DISC1: variants seen among roughly 807,000 people sequenced by gnomAD.
DISC1 encodes the protein disrupted in schizophrenia 1 protein.
Under a neutral mutation model 84.5 loss-of-function variants are expected in DISC1, and 57 were observed. The observed-to-expected ratio is 0.67, with a 90% CI of 0.55 to 0.84. The LOEUF is 0.84. DISC1 is among the 40% of genes least tolerant of loss of function. The pLI, the probability that DISC1 is intolerant of heterozygous loss-of-function variation, is 0.00. For synonymous variants in DISC1, 411 were observed against 415.2 expected (o/e 0.99, Z 0.12); for missense variants, 1,000 against 1,057.8 (o/e 0.95, Z 0.76).
intron 1 of DISC1, among the ~76,000 whole-genome samples, chr1:231,651,734 G>T (rs913962118): frequency 6.6e-6 from 1 of 152,246 alleles, no homozygotes; most frequent in Non-Finnish European, 1.5e-5. Context: ...GAGCTGCGGT[G>T]GGCTCCGCCC....
rs960373233 is a variant in DISC1 at position 231,722,021 on chromosome 1, C to T, written c.1117+19997C>T. On this transcript the variant is annotated intron_variant, in intron 3 of 12. Transcript: ENST00000439617. ...ACAAAAAATTAGCCGGGTGTGGTGG[C>T]GGGCACCTGTAATCCCGGCTACTCG... Among the ~76,000 whole-genome samples the T allele has an allele frequency of 2.6e-5, 4 of 151,772 alleles. No individual in the cohort carries two copies. The South Asian group carries it at 6.2e-4, about 24-fold the overall frequency.
chr1:231,951,177 A>G (rs1481049759), intron 9 of DISC1, among the ~76,000 whole-genome samples: 1 of 152,226 alleles, frequency 6.6e-6, no homozygotes, highest in East Asian at 1.9e-4. Context: ...ATAACTCAGC[A>G]TTCTCACTCG....
chr1:231,632,632 A>G (rs1470745736), intron 1 of DISC1, among the ~76,000 whole-genome samples: 2 of 152,254 alleles, frequency 1.3e-5, no homozygotes, highest in Non-Finnish European at 1.5e-5. Context: ...AGTGATTGTT[A>G]GAACCTGGCT....
At chr1:231,864,085 A>G (rs2084875885) in intron 9 of DISC1, among the ~76,000 whole-genome samples, 1 of 152,172 alleles carries the variant, frequency 6.6e-6, no homozygotes, top group Non-Finnish European at 1.5e-5. Flanking sequence ...GTAGCAGTAT[A>G]TGAACATTGG....
intron 1 of DISC1, among the ~76,000 whole-genome samples, chr1:231,692,435 T>C (rs527952885): frequency 1.8e-4 from 27 of 152,376 alleles, no homozygotes; most frequent in African/African-American, 6.3e-4. Flanking sequence ...GAGGTCATTG[T>C]GCTCATTTCC....
intron 9 of DISC1, among the ~76,000 whole-genome samples, chr1:231,861,499 T>A (rs953045176): frequency 1.3e-5 from 2 of 150,892 alleles, no homozygotes; most frequent in Non-Finnish European, 2.9e-5. Context: ...TTTTGGAAGT[T>A]TTTTCTCAGA....
intron 9 of DISC1, among the ~76,000 whole-genome samples, chr1:231,850,231 CTG>C (rs1356960232): frequency 6.6e-6 from 1 of 152,200 alleles, no homozygotes; most frequent in African/African-American, 2.4e-5. Flanking sequence ...TTCCCCTTGG[CTG>C]TCTTTATTGT....
intron 10 of DISC1, among the ~76,000 whole-genome samples, chr1:231,976,026 A>G (rs1662745629): frequency 6.6e-6 from 1 of 152,230 alleles, no homozygotes; most frequent in Admixed American, 6.5e-5. Flanking sequence ...CTTATGAAGC[A>G]TCTACATGGC....
At chr1:231,629,115 A>G (rs2058499871) in intron 1 of DISC1, among the ~76,000 whole-genome samples, 1 of 152,194 alleles carries the variant, frequency 6.6e-6, no homozygotes, top group African/African-American at 2.4e-5. Context: ...CATAATTTTA[A>G]TTTCCCTCAG....
At chr1:231,793,851 A>T (rs552679978) in intron 6 of DISC1, among the ~76,000 whole-genome samples, 7 of 152,356 alleles carry the variant, frequency 4.6e-5, no homozygotes, top group Admixed American at 4.6e-4. Context: ...ATATTTAAAA[A>T]TACAACACTC....
chr1:231,633,187 G>A lies in DISC1; in HGVS notation c.67+6253G>A, dbSNP rs981090875. Reference sequence around the variant, plus strand: ...TGAATTCATTATTTATTCATTCAACGTTTATTGAGTGGCTACTTGGTTCAG... The same window carrying A: ...TGAATTCATTATTTATTCATTCAACATTTATTGAGTGGCTACTTGGTTCAG... On this transcript the variant is annotated intron_variant, in intron 1 of 12. Coordinates refer to ENST00000439617, the MANE Select transcript of DISC1 (RefSeq NM_018662.3). Among the ~76,000 whole-genome samples, 24 of 152,320 alleles carry A rather than the reference G, an allele frequency of 1.6e-4. 1 individual carries two copies. Among genetic ancestry groups the A allele is most frequent in the Admixed American group, 6.5e-4 (10 of 15,302 alleles).
chr1:231,796,979 A>G (rs116524300), intron 7 of DISC1, among the ~76,000 whole-genome samples: 1,909 of 152,216 alleles, frequency 0.013, 20 homozygotes, highest in Non-Finnish European at 0.019. Flanking sequence ...AGTGTGTCAA[A>G]ATTGGGATTG....
chr1:231,851,551 G>A (rs566405335), intron 9 of DISC1, among the ~76,000 whole-genome samples: 1 of 152,318 alleles, frequency 6.6e-6, no homozygotes, highest in South Asian at 2.1e-4. Flanking sequence ...CACACCTCAC[G>A]TGGAAGTGCA....
intron 4 of DISC1, among the ~76,000 whole-genome samples, chr1:231,762,007 A>G (rs575926456): frequency 3.9e-5 from 6 of 152,328 alleles, no homozygotes; most frequent in Admixed American, 2.0e-4. Context: ...AGTACCTGAT[A>G]GTAGTAGGAT....
At chr1:231,845,672 A>G (rs998689513) in intron 9 of DISC1, among the ~76,000 whole-genome samples, 1 of 152,168 alleles carries the variant, frequency 6.6e-6, no homozygotes, top group African/African-American at 2.4e-5. Context: ...CGGGAGCCGA[A>G]CGGAGTGGCA....
chr1:231,699,732 T>C (rs1292619079), intron 2 of DISC1, among the ~76,000 whole-genome samples: 1 of 152,206 alleles, frequency 6.6e-6, no homozygotes, highest in Non-Finnish European at 1.5e-5. Context: ...GATCATGTGC[T>C]CCTCTGCCCC....
At chr1:231,652,072 C>T (rs998342427) in intron 1 of DISC1, among the ~76,000 whole-genome samples, 7 of 152,334 alleles carry the variant, frequency 4.6e-5, no homozygotes, top group South Asian at 4.1e-4. Flanking sequence ...CGCCCTGCTT[C>T]GGCTCACCCT....
At chr1:231,701,352 T>C (rs866300162) in intron 2 of DISC1, among the ~76,000 whole-genome samples, 4 of 152,316 alleles carry the variant, frequency 2.6e-5, no homozygotes, top group Middle Eastern at 3.4e-3. Flanking sequence ...AGCCAAACCA[T>C]ATCAATGATG....
At chr1:231,781,591 C>T (rs1252355091) in intron 6 of DISC1, among the ~76,000 whole-genome samples, 2 of 152,184 alleles carry the variant, frequency 1.3e-5, no homozygotes, top group African/African-American at 2.4e-5. Flanking sequence ...AAGTCTTTCT[C>T]CTAGTCGATT....
Sources: allele counts gnomAD v4.1 joint callset (sites outside exome capture counted in the v4.1 genomes callset), GRCh38; gene constraint gnomAD v4.1.1; transcripts MANE v1.5; gene names NCBI Gene and HGNC (gene_info 2026-07-23, HGNC 2026-07-21).